The following WASL variants were observed in gnomAD, a reference collection of about 807,000 sequenced individuals.
WASL encodes WASP like actin nucleation promoting factor.
In WASL, 20 loss-of-function variants were observed where a neutral mutation model predicts 55.5. That is an observed-to-expected ratio of 0.36 (90% CI 0.25 to 0.52). The LOEUF (loss-of-function observed/expected upper bound fraction) is 0.52, where lower values mean the gene tolerates loss of function less well. Among genes scored for constraint, WASL ranks in the 20% least tolerant of loss-of-function variants. The pLI is 0.92. For missense variants in WASL, 504 were observed against 622.5 expected (o/e 0.81, Z 2.03); for synonymous variants, 249 against 217.6 (o/e 1.14, Z -1.27).
intron 1 of WASL, among the ~76,000 whole-genome samples, chr7:123,721,984 T>G (rs1803955983): frequency 6.6e-6 from 1 of 152,000 alleles, no homozygotes; most frequent in African/African-American, 2.4e-5. Flanking sequence ...CTAGGTAAGC[T>G]CCAAAGCTGG....
Position 123,748,987 on chromosome 7 carries a change from C to T in WASL, c.-253G>A. On this transcript the variant is annotated 5_prime_UTR_variant, in exon 1 of 11. Transcript: ENST00000223023. The stretch of plus-strand genomic sequence containing the variant: ...GCTAGGGCCGGATGGTCGTTGTCCT[C>T]GCACTCCGGCGACTGCGCTAAACTC... The T allele has an allele frequency of 4.0e-6, 2 of 504,076 alleles. No homozygotes were observed. Among genetic ancestry groups the T allele is most frequent in the South Asian group, 2.9e-5 (1 of 33,994 alleles). 31.2% of individuals were successfully genotyped at this position (504,076 alleles called of 1,614,324 possible).
At chr7:123,691,990 G>T (rs1803417111) in intron 9 of WASL, among the ~76,000 whole-genome samples, 1 of 152,178 alleles carries the variant, frequency 6.6e-6, no homozygotes, top group African/African-American at 2.4e-5. Flanking sequence ...CAAACATCCT[G>T]TAAAATTCCA....
intron 1 of WASL, among the ~76,000 whole-genome samples, chr7:123,720,657 T>A (rs1030137180): frequency 6.6e-6 from 1 of 151,476 alleles, no homozygotes; most frequent in East Asian, 1.9e-4. Context: ...GGGATTTTTT[T>A]TTTTTTTTTT....
rs751977880 is a variant in WASL at position 123,684,531 on chromosome 7, C to T, written c.1506G>A (p.Glu502=). ...DDEEDFEDDD[E]WED ...TATAATATATAGATCAGTCTTCCCA[C>T]TCATCATCATCCTCAAAATCTTCTT... Residue 502 remains glutamate, a synonymous_variant, in exon 11 of 11, where the codon GAG becomes GAA. Transcript: ENST00000223023. The T allele has an allele frequency of 4.6e-6, 5 of 1,088,936 alleles. No individual in the cohort carries two copies. The African/African-American group carries it at 6.3e-5, about 14-fold the overall frequency. The allele number at this position is 1,088,936 out of a possible 1,614,324, so 67.5% of individuals were successfully genotyped here.
intron 1 of WASL, among the ~76,000 whole-genome samples, chr7:123,711,470 T>C (rs1228028811): frequency 6.6e-6 from 1 of 152,176 alleles, no homozygotes; most frequent in Non-Finnish European, 1.5e-5. Flanking sequence ...TTTCAAAAAA[T>C]TTGCTACACT....
intron 3 of WASL, 91 bp from the exon 4 acceptor site, chr7:123,706,464 AAAG>A: frequency 1.6e-6 from 2 of 1,223,686 alleles, no homozygotes; most frequent in Middle Eastern, 4.4e-4. Context: ...GTATATTTCT[AAAG>A]AACGAAAGGT....
rs1804493037 is a variant in WASL, at chr7:123,748,799, C to T, written c.-65G>A. On this transcript the variant is annotated 5_prime_UTR_variant, in exon 1 of 11. Transcript: ENST00000223023. ...CCGGCGAGTGGGCGAGAGCTCGTTCCCCCTCTCGGTGACAGGGGCGGGGAG... is the reference window on the plus strand; with the variant it reads ...CCGGCGAGTGGGCGAGAGCTCGTTCTCCCTCTCGGTGACAGGGGCGGGGAG... 2 of 1,358,724 alleles carry T rather than the reference C, an allele frequency of 1.5e-6. No homozygotes were observed. Among genetic ancestry groups the T allele is most frequent in the Admixed American group, 2.4e-5 (1 of 40,984 alleles). 84.2% of individuals were successfully genotyped at this position (1,358,724 alleles called of 1,614,324 possible).
intron 1 of WASL, among the ~76,000 whole-genome samples, chr7:123,725,844 A>T (rs1393728201): frequency 1.3e-5 from 2 of 152,172 alleles, no homozygotes; most frequent in African/African-American, 4.8e-5. Flanking sequence ...TGGCTTCTGG[A>T]AGGGGGAGGT....
chr7:123,705,712 TA>T (rs752829656), intron 4 of WASL, among the ~76,000 whole-genome samples: 2 of 152,206 alleles, frequency 1.3e-5, no homozygotes, highest in African/African-American at 2.4e-5. Flanking sequence ...ATAATTGTTT[TA>T]TATGTGTTAG....
At chr7:123,685,857 C>G (rs1416373210) in intron 10 of WASL, among the ~76,000 whole-genome samples, 1 of 143,618 alleles carries the variant, frequency 7.0e-6, no homozygotes, top group African/African-American at 2.6e-5. Context: ...AATACATATA[C>G]CTATATATAA....
intron 1 of WASL, among the ~76,000 whole-genome samples, chr7:123,728,352 T>C (rs946047625): frequency 2.6e-5 from 4 of 152,138 alleles, no homozygotes; most frequent in South Asian, 2.1e-4. Context: ...TTCTTAGAAA[T>C]TGTCATAAAA....
chr7:123,692,001 T>C (rs892544824), intron 9 of WASL, among the ~76,000 whole-genome samples: 1 of 152,200 alleles, frequency 6.6e-6, no homozygotes, highest in African/African-American at 2.4e-5. Context: ...TAAAATTCCA[T>C]TCACATGAAG....
At chr7:123,728,897 A>G (rs1191443848) in intron 1 of WASL, among the ~76,000 whole-genome samples, 1 of 152,182 alleles carries the variant, frequency 6.6e-6, no homozygotes, top group Non-Finnish European at 1.5e-5. Context: ...GAACAAAAAA[A>G]CAAACCATTA....
At position 123,739,176 on chromosome 7, in the gene WASL, T is replaced by C. The variant is rs568986513; in HGVS notation, c.117+9442A>G. Among the ~76,000 whole-genome samples, 4 of 152,362 alleles carry C rather than the reference T, an allele frequency of 2.6e-5. No homozygotes were observed. In the South Asian group the frequency reaches 8.3e-4, roughly 32 times the overall value. On this transcript the variant is annotated intron_variant, in intron 1 of 10. Coordinates refer to ENST00000223023, the MANE Select transcript of WASL (RefSeq NM_003941.4). ...GAAATTTCTTGAAGAAATCTTAGTG[T>C]TTCCTTACTTTCTAGGGAATAAAGT...
intron 2 of WASL, among the ~76,000 whole-genome samples, chr7:123,707,185 A>G (rs1803685464): frequency 6.6e-6 from 1 of 152,186 alleles, no homozygotes; most frequent in Non-Finnish European, 1.5e-5. Flanking sequence ...ACTTTTGTAC[A>G]TGAACTGATT....
intron 1 of WASL, among the ~76,000 whole-genome samples, chr7:123,723,779 C>T (rs1390742108): frequency 6.6e-6 from 1 of 152,198 alleles, no homozygotes; most frequent in Non-Finnish European, 1.5e-5. Context: ...CCTGCTGTTC[C>T]TGAAACTTCC....
intron 1 of WASL, among the ~76,000 whole-genome samples, chr7:123,712,267 A>G (rs978294711): frequency 1.3e-5 from 2 of 152,008 alleles, no homozygotes; most frequent in Admixed American, 1.3e-4. Flanking sequence ...TTTCCTAACC[A>G]CTAAAAAGAC....
chr7:123,737,542 C>A (rs1189846771), intron 1 of WASL, among the ~76,000 whole-genome samples: 1 of 133,940 alleles, frequency 7.5e-6, no homozygotes, highest in Non-Finnish European at 1.5e-5. Flanking sequence ...TTGCAGTGAG[C>A]AGAGATAGCG....
intron 1 of WASL, among the ~76,000 whole-genome samples, chr7:123,712,923 A>G (rs1443053747): frequency 6.6e-6 from 1 of 152,198 alleles, no homozygotes; most frequent in African/African-American, 2.4e-5. Context: ...ACAGGTCAGA[A>G]TAAGAATTTT....
Sources: gnomAD v4.1 joint callset for allele counts (sites outside exome capture counted in the v4.1 genomes callset) on GRCh38, gnomAD v4.1.1 for gene constraint, MANE v1.5 for transcripts, NCBI Gene and HGNC (gene_info 2026-07-23, HGNC 2026-07-21) for gene names.